The following ARF3 variants were observed in gnomAD, a reference collection of about 807,000 sequenced individuals.
ARF3 encodes the protein ADP-ribosylation factor 3.
Under a neutral mutation model 19.3 loss-of-function variants are expected in ARF3, and 5 were observed. That is an observed-to-expected ratio of 0.26 (90% CI 0.14 to 0.54). The LOEUF (loss-of-function observed/expected upper bound fraction) is 0.54. Ranked by LOEUF, ARF3 falls within the 20% of genes least tolerant of loss-of-function variation. The probability of loss-of-function intolerance (pLI) is 0.95; values close to 1 mark genes in which losing one functional copy is unlikely to be tolerated. For synonymous variants in ARF3, 71 were observed against 89.2 expected (o/e 0.80, Z 1.15); for missense variants, 77 against 234.2 (o/e 0.33, Z 4.38).
At chr12:48,947,203 C>CA (rs1323988272) in intron 1 of ARF3, among the ~76,000 whole-genome samples, 1 of 151,880 alleles carries the variant, frequency 6.6e-6, no homozygotes, top group African/African-American at 2.4e-5. Flanking sequence ...GAAATCAGAA[C>CA]ATAAGAACTC....
At chr12:48,942,078 A>G (rs965257608) in intron 1 of ARF3, among the ~76,000 whole-genome samples, 4 of 151,816 alleles carry the variant, frequency 2.6e-5, no homozygotes, top group Non-Finnish European at 5.9e-5. Context: ...TTTGTTCAAA[A>G]CCCACTCGTG....
chr12:48,953,022 A>G (rs943212039), intron 1 of ARF3: 1 of 152,222 alleles, frequency 6.6e-6, no homozygotes, highest in Non-Finnish European at 1.5e-5. Flanking sequence ...AAAAGGCTGG[A>G]AAGTACCTCA....
chr12:48,942,045 C>T (rs1430518894), intron 1 of ARF3, among the ~76,000 whole-genome samples: 1 of 152,110 alleles, frequency 6.6e-6, no homozygotes, highest in Non-Finnish European at 1.5e-5. Context: ...GGTTTTAAAA[C>T]CAAACTCAGG....
chr12:48,947,222 T>C (rs1307760858), intron 1 of ARF3, among the ~76,000 whole-genome samples: 1 of 152,052 alleles, frequency 6.6e-6, no homozygotes, highest in African/African-American at 2.4e-5. Context: ...TCCTAGATGA[T>C]ATCTGAACTA....
At chr12:48,945,063 C>G (rs904845773) in intron 1 of ARF3, among the ~76,000 whole-genome samples, 1 of 147,998 alleles carries the variant, frequency 6.8e-6, no homozygotes, top group Non-Finnish European at 1.5e-5. Flanking sequence ...CCGCTGGAAT[C>G]CAGGAGGCAG....
In ARF3 at chr12:48,947,481, C is replaced by T. The variant is rs573043456; in HGVS notation, c.-93-6293G>A. On this transcript the variant is annotated intron_variant, in intron 1 of 4. Coordinates refer to ENST00000256682, the MANE Select transcript of ARF3 (RefSeq NM_001659.3). The stretch of plus-strand genomic sequence containing the variant: ...GCCACCACACCTGGCTAATTTTTTG[C>T]ATTTTTAGTAGAGACAGGATTTCAC... 5.3e-5 allele frequency among the ~76,000 whole-genome samples: 8 copies of T among 152,132 alleles called. No individual in the cohort carries two copies. In the South Asian group the frequency reaches 1.7e-3, roughly 32 times the overall value.
intron 1 of ARF3, among the ~76,000 whole-genome samples, chr12:48,947,124 G>C (rs764910356): frequency 6.6e-6 from 1 of 152,114 alleles, no homozygotes; most frequent in Non-Finnish European, 1.5e-5. Flanking sequence ...GAGTACGCCC[G>C]TACTGAGTTT....
In ARF3 at chr12:48,938,435, C is replaced by T. The variant is rs1360483446; in HGVS notation, c.*512G>A. 4.4e-6 allele frequency: 2 copies of T among 454,160 alleles called. No individual in the cohort carries two copies. The highest frequency in any genetic ancestry group is 4.7e-5 in the Admixed American group (2 of 42,566). The allele number at this position is 454,160 out of a possible 1,614,324, so 28.1% of individuals were successfully genotyped here. A position where few individuals can be genotyped will look rare whatever the true frequency, so the allele number is the denominator to read the frequency against. Reference sequence around the variant, plus strand: ...CTTCACTCCACCCCCTCCCCGCTCCCCCCGGCCCCCACAAATATATCTCTC... The same window carrying T: ...CTTCACTCCACCCCCTCCCCGCTCCTCCCGGCCCCCACAAATATATCTCTC... On this transcript the variant is annotated 3_prime_UTR_variant, in exon 5 of 5. Coordinates refer to ENST00000256682, the MANE Select transcript of ARF3 (RefSeq NM_001659.3).
At position 48,938,139 on chromosome 12, in the gene ARF3, G is replaced by A; in HGVS notation, c.*808C>T. ...TCCCAACAGTAAGGCAGAGCAGAGT[G>A]GCATCTCCTTGGGAACAGTCATCTA... On this transcript the variant is annotated 3_prime_UTR_variant, in exon 5 of 5. Coordinates refer to ENST00000256682, the MANE Select transcript of ARF3 (RefSeq NM_001659.3). The A allele has an allele frequency of 9.1e-6, 3 of 331,044 alleles. No homozygotes were observed. Among genetic ancestry groups the A allele is most frequent in the South Asian group, 2.4e-5 (1 of 40,948 alleles). The allele number at this position is 331,044 out of a possible 1,614,324, so 20.5% of individuals were successfully genotyped here. A position where few individuals can be genotyped will look rare whatever the true frequency, so the allele number is the denominator to read the frequency against.
intron 1 of ARF3, among the ~76,000 whole-genome samples, chr12:48,941,887 A>G (rs986271228): frequency 4.5e-4 from 69 of 152,074 alleles, no homozygotes; most frequent in Non-Finnish European, 1.3e-4. Context: ...CTACCCCTTT[A>G]CTCCTCAGCT....
chr12:48,948,088 C>A, intron 1 of ARF3, among the ~76,000 whole-genome samples: 1 of 151,564 alleles, frequency 6.6e-6, no homozygotes, highest in Non-Finnish European at 1.5e-5. Context: ...GCCTGTAGTC[C>A]CAACTACTCA....
chr12:48,950,330 G>C (rs1940443593), intron 1 of ARF3, among the ~76,000 whole-genome samples: 1 of 152,112 alleles, frequency 6.6e-6, no homozygotes, highest in African/African-American at 2.4e-5. Context: ...GGAGTAGCTG[G>C]GACTACAGGC....
At chr12:48,946,787 G>A (rs563611889) in intron 1 of ARF3, among the ~76,000 whole-genome samples, 1 of 152,284 alleles carries the variant, frequency 6.6e-6, no homozygotes, top group Non-Finnish European at 1.5e-5. Flanking sequence ...TACATATGTT[G>A]CAGGAACGTG....
At chr12:48,956,407 C>G (rs569005213) in intron 1 of ARF3, 1 of 152,368 alleles carries the variant, frequency 6.6e-6, no homozygotes, top group Admixed American at 6.5e-5. Context: ...CCCAAAATAA[C>G]AGCTACCACT....
In ARF3 at chr12:48,938,980, G is replaced by A. The variant is rs1165760880; in HGVS notation, c.513C>T (p.Asp171=). Residue 171 remains aspartate (D), a synonymous_variant, in exon 5 of 5, where the codon GAC becomes GAT. Coordinates refer to ENST00000256682, the MANE Select transcript of ARF3 (RefSeq NM_001659.3). Reference sequence around the variant, plus strand: ...TGTTTTTGAGCTGATTGGCCAGCCAGTCCAGGCCTTCGTACAGCCCGTCCC... The same window carrying A: ...TGTTTTTGAGCTGATTGGCCAGCCAATCCAGGCCTTCGTACAGCCCGTCCC... The part of the protein sequence containing the change: ...TSGDGLYEGL[D]WLANQLKNKK The A allele has an allele frequency of 1.2e-6, 2 of 1,612,814 alleles. No homozygotes were observed. Among genetic ancestry groups the A allele is most frequent in the Non-Finnish European group, 1.7e-6 (2 of 1,180,020 alleles).
chr12:48,946,497 A>G lies in ARF3; in HGVS notation c.-93-5309T>C, dbSNP rs575683644. 3.3e-5 allele frequency among the ~76,000 whole-genome samples: 5 copies of G among 152,386 alleles called. 1 individual carries two copies. In the South Asian group the frequency reaches 8.3e-4, roughly 25 times the overall value. Reference sequence around the variant, plus strand: ...GTTAAGACTGAAAGTGAGTGGCTCAAGATGAAAAATGGAATATACTAACAT... The same window carrying G: ...GTTAAGACTGAAAGTGAGTGGCTCAGGATGAAAAATGGAATATACTAACAT... On this transcript the variant is annotated intron_variant, in intron 1 of 4. Coordinates refer to ENST00000256682, the MANE Select transcript of ARF3 (RefSeq NM_001659.3).
intron 1 of ARF3, among the ~76,000 whole-genome samples, 168 bp from the exon 2 acceptor site, chr12:48,941,356 G>A (rs1190189486): frequency 6.6e-6 from 1 of 152,114 alleles, no homozygotes; most frequent in East Asian, 1.9e-4. Flanking sequence ...TGGGAACAGA[G>A]ACAAAGCAGT....
At chr12:48,955,438 A>G (rs1043264231) in intron 1 of ARF3, among the ~76,000 whole-genome samples, 1 of 152,188 alleles carries the variant, frequency 6.6e-6, no homozygotes, top group South Asian at 2.1e-4. Context: ...GACTGCAGAT[A>G]ATGACTCTGT....
Position 48,941,205 on chromosome 12 carries a change from T to G in ARF3, c.-93-17A>C. ...GACTTGATCCTAGACAAAGGAAATGTAAAATCATACCATCATTTGCTTGTC... is the reference window on the plus strand; with the variant it reads ...GACTTGATCCTAGACAAAGGAAATGGAAAATCATACCATCATTTGCTTGTC... On this transcript the variant is annotated splice_polypyrimidine_tract_variant and intron_variant, in intron 1 of 4. Transcript: ENST00000256682. 1 of 1,218,406 alleles carries G rather than the reference T, an allele frequency of 8.2e-7. No homozygotes were observed. Among genetic ancestry groups the G allele is most frequent in the South Asian group, 1.5e-5 (1 of 65,272 alleles). 75.5% of individuals were successfully genotyped at this position (1,218,406 alleles called of 1,614,324 possible). A position where few individuals can be genotyped will look rare whatever the true frequency, so the allele number is the denominator to read the frequency against.
Sources: gnomAD v4.1 joint callset for allele counts (sites outside exome capture counted in the v4.1 genomes callset) on GRCh38, gnomAD v4.1.1 for gene constraint, MANE v1.5 for transcripts, NCBI Gene and HGNC (gene_info 2026-07-23, HGNC 2026-07-21) for gene names.